Variants in OTUD3 observed in about 807,000 individuals in gnomAD.
OTUD3 encodes the protein OTU domain-containing protein 3.
OTUD3 carries 24 observed loss-of-function variants against 46.2 expected under a neutral mutation model. The ratio of observed to expected loss-of-function variants is 0.52; its 90% confidence interval spans 0.38 to 0.73. OTUD3 has a LOEUF of 0.73. OTUD3 is among the 30% of genes least tolerant of loss of function. OTUD3 has a pLI of 0.00. For synonymous variants in OTUD3, 189 were observed against 195.4 expected (o/e 0.97, Z 0.27); for missense variants, 455 against 523.3 (o/e 0.87, Z 1.27).
intron 7 of OTUD3, 51 bp downstream of exon 7, chr1:19,906,667 G>A (rs1168007292): frequency 1.4e-6 from 2 of 1,424,336 alleles, no homozygotes; most frequent in African/African-American, 1.4e-5. Flanking sequence ...GTAATTCTGT[G>A]GCAGTGGTGG....
chr1:19,907,267 CATTAA>C (rs1403606034), intron 7 of OTUD3, among the ~76,000 whole-genome samples: 3 of 152,172 alleles, frequency 2.0e-5, no homozygotes, highest in Non-Finnish European at 2.9e-5. Flanking sequence ...TTACCTGGGG[CATTAA>C]ATTATGTGGG....
At position 19,912,570 on chromosome 1, in the gene OTUD3, C is replaced by T. The variant is rs1355804291; in HGVS notation, c.*4824C>T. 1 of 152,316 alleles carries T rather than the reference C, an allele frequency of 6.6e-6. No homozygotes were observed. The highest frequency in any genetic ancestry group is 6.6e-5 in the Admixed American group (1 of 15,264). The allele number at this position is 152,316 out of a possible 1,614,324, so 9.4% of individuals were successfully genotyped here. On this transcript the variant is annotated 3_prime_UTR_variant, in exon 8 of 8. Coordinates refer to ENST00000375120, the MANE Select transcript of OTUD3 (RefSeq NM_015207.2). ...GATGTATCCGTGGAGGAGGGGCCTT[C>T]TCTCTTTCTAATTGCACTATACTTG...
rs1420465997 is a variant in OTUD3 at position 19,904,320 on chromosome 1, G to C, written c.660G>C (p.Lys220Asn). Residue 220 changes from lysine to asparagine, a missense_variant, in exon 5 of 8, where the codon AAG (lysine) becomes AAC (asparagine). Transcript: ENST00000375120. Reference sequence around the variant, plus strand: ...ATAAAAGAGAAAAGATCAAGACAAAGGGAATGGACTCTGAAGACGACCTGA... The same window carrying C: ...ATAAAAGAGAAAAGATCAAGACAAACGGAATGGACTCTGAAGACGACCTGA... Reference protein sequence around the residue: ...ESNKREKIKTKGMDSEDDLRD... With the variant: ...ESNKREKIKTNGMDSEDDLRD... The C allele has an allele frequency of 6.2e-7, 1 of 1,611,860 alleles. No individual in the cohort carries two copies. Among genetic ancestry groups the C allele is most frequent in the African/African-American group, 1.3e-5 (1 of 74,836 alleles).
Position 19,885,561 on chromosome 1 carries a change from C to G in OTUD3, c.221+2827C>G, listed in dbSNP as rs2045346785. On this transcript the variant is annotated intron_variant, in intron 1 of 7. Coordinates refer to ENST00000375120, the MANE Select transcript of OTUD3 (RefSeq NM_015207.2). ...CTCTGCCTCCTGGGTTCAAACAATT[C>G]TCTTGCCTCAGCCTCCTGAGTAGCT... is the stretch of plus-strand genomic sequence containing the variant. 2.0e-5 allele frequency among the ~76,000 whole-genome samples: 3 copies of G among 152,338 alleles called. No homozygotes were observed. The South Asian group carries it at 6.2e-4, about 32-fold the overall frequency.
chr1:19,886,317 GAAGAATCAC>G (rs2045359570), intron 1 of OTUD3, among the ~76,000 whole-genome samples: 1 of 152,146 alleles, frequency 6.6e-6, no homozygotes, highest in Admixed American at 6.5e-5. Context: ...TTGAAACATT[GAAGAATCAC>G]TAATTTTAGC....
chr1:19,897,948 T>C (rs887747065), intron 4 of OTUD3: 54 of 111,458 alleles, frequency 4.8e-4, no homozygotes, highest in Middle Eastern at 4.9e-3. Context: ...AATCCACACC[T>C]TTTTTTTTTT....
rs2045684469 is a variant in OTUD3, at chr1:19,907,826, T to C, written c.*80T>C. The C allele has an allele frequency of 2.2e-6, 3 of 1,378,444 alleles. No homozygotes were observed. The African/African-American group carries it at 4.3e-5, about 20-fold the overall frequency. 85.4% of individuals were successfully genotyped at this position (1,378,444 alleles called of 1,614,324 possible). A position where few individuals can be genotyped will look rare whatever the true frequency, so the allele number is the denominator to read the frequency against. On this transcript the variant is annotated 3_prime_UTR_variant, in exon 8 of 8. Coordinates refer to ENST00000375120, the MANE Select transcript of OTUD3 (RefSeq NM_015207.2). ...TAGACTTTCCAGTGAGGCCGTCCTT[T>C]TATAAAACGCAACACAACCAACGAA...
At chr1:19,898,601 G>A (rs1346446730) in intron 4 of OTUD3, among the ~76,000 whole-genome samples, 4 of 151,672 alleles carry the variant, frequency 2.6e-5, no homozygotes, top group Admixed American at 1.3e-4. Context: ...GGTGGCGCAT[G>A]CCTGTAATCC....
chr1:19,891,967 G>A (rs1007674227), intron 2 of OTUD3, among the ~76,000 whole-genome samples: 1 of 152,182 alleles, frequency 6.6e-6, no homozygotes, highest in Non-Finnish European at 1.5e-5. Flanking sequence ...GAAATGAATT[G>A]TGTCATTAAT....
intron 1 of OTUD3, among the ~76,000 whole-genome samples, chr1:19,886,683 T>C (rs1455613718): frequency 2.0e-5 from 3 of 152,212 alleles, no homozygotes; most frequent in Non-Finnish European, 4.4e-5. Context: ...GTCTAGATGC[T>C]CAACTAGTGT....
Position 19,907,816 on chromosome 1 carries a change from G to C in OTUD3, c.*70G>C. The C allele has an allele frequency of 6.9e-7, 1 of 1,454,408 alleles. No individual in the cohort carries two copies. The highest frequency in any genetic ancestry group is 9.4e-7 in the Non-Finnish European group (1 of 1,059,808). The allele number at this position is 1,454,408 out of a possible 1,614,324, so 90.1% of individuals were successfully genotyped here. A position where few individuals can be genotyped will look rare whatever the true frequency, so the allele number is the denominator to read the frequency against. On this transcript the variant is annotated 3_prime_UTR_variant, in exon 8 of 8. Coordinates refer to ENST00000375120, the MANE Select transcript of OTUD3 (RefSeq NM_015207.2). ...TGCTGTGTGCTAGACTTTCCAGTGA[G>C]GCCGTCCTTTTATAAAACGCAACAC...
intron 1 of OTUD3, among the ~76,000 whole-genome samples, chr1:19,884,846 AT>A (rs1346964090): frequency 6.6e-6 from 1 of 152,228 alleles, no homozygotes; most frequent in Non-Finnish European, 1.5e-5. Flanking sequence ...GATGATACAA[AT>A]AATTAAAATA....
intron 4 of OTUD3, among the ~76,000 whole-genome samples, chr1:19,899,799 T>C (rs1171335280): frequency 6.6e-6 from 1 of 152,244 alleles, no homozygotes; most frequent in African/African-American, 2.4e-5. Flanking sequence ...AGGGGAAAAA[T>C]TGTTTACTTA....
chr1:19,885,426 T>C (rs994684799), intron 1 of OTUD3, among the ~76,000 whole-genome samples: 1 of 152,158 alleles, frequency 6.6e-6, no homozygotes, highest in African/African-American at 2.4e-5. Flanking sequence ...GTGTTTCCTG[T>C]GTATGTGATG....
At chr1:19,885,136 G>A (rs2045338953) in intron 1 of OTUD3, among the ~76,000 whole-genome samples, 2 of 152,196 alleles carry the variant, frequency 1.3e-5, no homozygotes, top group South Asian at 2.1e-4. Context: ...TTAGGGTGAC[G>A]GGTAGTGTAG....
rs1272104318 is a variant in OTUD3, at chr1:19,907,612, A to G, written c.1063A>G (p.Lys355Glu). 3 of 1,614,070 alleles carry G rather than the reference A, an allele frequency of 1.9e-6. No homozygotes were observed. In the African/African-American group the frequency reaches 4.0e-5, roughly 22 times the overall value. Reference protein sequence around the residue: ...QRREQQWMEKKKRQEERHRHK... With the variant: ...QRREQQWMEKEKRQEERHRHK... Reference sequence around the variant, plus strand: ...GCGAGAACAGCAGTGGATGGAGAAGAAGAAGCGGCAGGAGGAGAGGCACCG... The same window carrying G: ...GCGAGAACAGCAGTGGATGGAGAAGGAGAAGCGGCAGGAGGAGAGGCACCG... The change falls in exon 8 of 8, where the codon AAG (lysine) becomes GAG (glutamate). Residue 355 changes from lysine to glutamate, a missense_variant. By Grantham distance (56) the Lys-to-Glu change is moderately conservative (BLOSUM62 1). Coordinates refer to ENST00000375120, the MANE Select transcript of OTUD3 (RefSeq NM_015207.2).
intron 1 of OTUD3, among the ~76,000 whole-genome samples, chr1:19,888,666 G>A (rs2045405100): frequency 6.6e-6 from 1 of 152,166 alleles, no homozygotes; most frequent in South Asian, 2.1e-4. Flanking sequence ...TTGTGACCTT[G>A]GGCAGGTTTC....
Position 19,907,590 on chromosome 1 carries a change from A to T in OTUD3, c.1041A>T (p.Arg347=), listed in dbSNP as rs2045679596. The change falls in exon 8 of 8, where the codon CGA becomes CGT. Residue 347 remains arginine (R), a synonymous_variant. Coordinates refer to ENST00000375120, the MANE Select transcript of OTUD3 (RefSeq NM_015207.2). ...QLAKVTNKQR[R]EQQWMEKKKR... is the part of the protein sequence containing the mutation. ...CTCAGGTCACAAACAAACAGAGGCGAGAACAGCAGTGGATGGAGAAGAAGA... is the reference window on the plus strand; with the variant it reads ...CTCAGGTCACAAACAAACAGAGGCGTGAACAGCAGTGGATGGAGAAGAAGA... 6.2e-7 allele frequency: 1 copy of T among 1,614,108 alleles called. No individual in the cohort carries two copies. Among genetic ancestry groups the T allele is most frequent in the Non-Finnish European group, 8.5e-7 (1 of 1,179,998 alleles).
At chr1:19,901,125 G>C (rs1364876963) in intron 4 of OTUD3, among the ~76,000 whole-genome samples, 1 of 152,066 alleles carries the variant, frequency 6.6e-6, no homozygotes, top group East Asian at 1.9e-4. Flanking sequence ...GGCCAGGCTG[G>C]TCTTGAACTC....
Sources: allele counts gnomAD v4.1 joint callset (sites outside exome capture counted in the v4.1 genomes callset), GRCh38; gene constraint gnomAD v4.1.1; transcripts MANE v1.5; gene names NCBI Gene and HGNC (gene_info 2026-07-23, HGNC 2026-07-21).